Variants in TRAIP observed in about 807,000 individuals in gnomAD.
The protein encoded by TRAIP is E3 ubiquitin-protein ligase TRAIP.
A neutral mutation model predicts 65.0 loss-of-function variants in TRAIP; 37 were observed. That is an observed-to-expected ratio of 0.57 (90% CI 0.44 to 0.75). The LOEUF (loss-of-function observed/expected upper bound fraction) is 0.75, where lower values mean the gene tolerates loss of function less well. Ranked by LOEUF, TRAIP falls within the 30% of genes least tolerant of loss-of-function variation. The probability of loss-of-function intolerance (pLI) is 0.00; values close to 1 mark genes in which losing one functional copy is unlikely to be tolerated. For synonymous variants in TRAIP, 187 were observed against 219.1 expected (o/e 0.85, Z 1.29); for missense variants, 481 against 579.4 (o/e 0.83, Z 1.74).
intron 3 of TRAIP, among the ~76,000 whole-genome samples, chr3:49,846,681 C>A (rs972454023): frequency 6.6e-6 from 1 of 152,100 alleles, no homozygotes; most frequent in African/African-American, 2.4e-5. Flanking sequence ...AAAACTGTAC[C>A]AAGTCTCACC....
In TRAIP at chr3:49,844,674, C is replaced by T. The variant is rs1575396482; in HGVS notation, c.241-94G>A. The T allele has an allele frequency of 3.5e-6, 5 of 1,427,058 alleles. No individual in the cohort carries two copies. The East Asian group carries it at 1.1e-4, about 33-fold the overall frequency. 88.4% of individuals were successfully genotyped at this position (1,427,058 alleles called of 1,614,324 possible). On this transcript the variant is annotated intron_variant, in intron 3 of 14. Coordinates refer to ENST00000331456, the MANE Select transcript of TRAIP (RefSeq NM_005879.3). ...GGCTGTGGGGAGCCCCAGGATTGAA[C>T]AATGAGGCCTTCTAGGGCATGAATC... is the stretch of plus-strand genomic sequence containing the variant.
In TRAIP at chr3:49,847,595, GT is replaced by G. The variant is rs1298999570; in HGVS notation, c.169del (p.Thr57ProfsTer23). 20 of 1,609,350 alleles carry G rather than the reference GT, an allele frequency of 1.2e-5. No homozygotes were observed. The highest frequency in any genetic ancestry group is 1.6e-5 in the Non-Finnish European group (19 of 1,178,636). The part of the protein sequence containing the change: ...PQCRIQVGKR[T>X]IINKLFFDLA... ...ATCAAAGAAGAGCTTATTGATAATG[GT>G]TCTTTTGCCAACCTGGATGGGAGAA... On this transcript the variant is annotated frameshift_variant, in exon 3 of 15. Coordinates refer to ENST00000331456, the MANE Select transcript of TRAIP (RefSeq NM_005879.3). LOFTEE classifies it high-confidence loss of function.
chr3:49,832,958 T>G (rs2081749324), intron 10 of TRAIP, among the ~76,000 whole-genome samples: 1 of 152,146 alleles, frequency 6.6e-6, no homozygotes, highest in African/African-American at 2.4e-5. Context: ...TGCATTGATT[T>G]GGGTGGCTAA....
At chr3:49,849,768 T>C (rs1182765322) in intron 1 of TRAIP, among the ~76,000 whole-genome samples, 1 of 151,414 alleles carries the variant, frequency 6.6e-6, no homozygotes, top group African/African-American at 2.4e-5. Flanking sequence ...AGGGAGAAAC[T>C]AAGTCCTCTC....
intron 5 of TRAIP, 142 bp downstream of exon 5, chr3:49,843,659 G>T (rs1444356694): frequency 9.7e-5 from 108 of 1,112,814 alleles, no homozygotes; most frequent in Non-Finnish European, 1.3e-4. Flanking sequence ...GCAAGGGGAA[G>T]AAGTGATTTG....
chr3:49,829,276 C>A, intron 14 of TRAIP, 51 bp from the exon 15 acceptor site: 4 of 1,613,732 alleles, frequency 2.5e-6, no homozygotes, highest in Non-Finnish European at 3.4e-6. Flanking sequence ...CAATGCAGGG[C>A]GAGAAAGGAC....
intron 3 of TRAIP, among the ~76,000 whole-genome samples, chr3:49,844,844 G>A (rs77333307): frequency 8.6e-4 from 131 of 152,366 alleles, no homozygotes; most frequent in African/African-American, 3.1e-3. Context: ...TAGAATAGTG[G>A]AAGGGAAGTT....
chr3:49,840,517 C>G (rs963564498), intron 8 of TRAIP, 144 bp from the exon 9 acceptor site: 40 of 666,242 alleles, frequency 6.0e-5, no homozygotes, highest in Non-Finnish European at 8.8e-5. Context: ...GAGGCTAGGC[C>G]TCAGTCTGGC....
In TRAIP at chr3:49,829,119, G is replaced by T. The variant is rs747364226; in HGVS notation, c.1394C>A (p.Thr465Asn). The T allele has an allele frequency of 6.2e-6, 10 of 1,614,126 alleles. No individual in the cohort carries two copies. The Admixed American group carries it at 1.3e-4, about 22-fold the overall frequency. ...TCACTGTTCTCACGACCACAGGAAGGTGTCCAGCTTGGCCTGGAAGAGAGA... is the reference window on the plus strand; with the variant it reads ...TCACTGTTCTCACGACCACAGGAAGTTGTCCAGCTTGGCCTGGAAGAGAGA... ...VPSLFQAKLD[T>N]FLWS is the part of the protein sequence containing the mutation. The change falls in exon 15 of 15, where the codon ACC (threonine) becomes AAC (asparagine). Residue 465 changes from threonine (T) to asparagine (N), a missense_variant. Transcript: ENST00000331456.
At chr3:49,831,765 G>T in intron 11 of TRAIP, 151 bp downstream of exon 11, 3 of 792,616 alleles carry the variant, frequency 3.8e-6, no homozygotes, top group Non-Finnish European at 5.5e-6. Flanking sequence ...TCAGGTGAGG[G>T]AACAAGAGGT....
At chr3:49,843,634 G>T in intron 5 of TRAIP, 167 bp downstream of exon 5, 1 of 883,792 alleles carries the variant, frequency 1.1e-6, no homozygotes. Flanking sequence ...GGATGGATGG[G>T]TACAGTATGG....
At chr3:49,856,323 C>A in intron 1 of TRAIP, 33 bp downstream of exon 1, 1 of 1,593,088 alleles carries the variant, frequency 6.3e-7, no homozygotes, top group Non-Finnish European at 8.6e-7. Context: ...GGTACCCGGG[C>A]AAACACCGGG....
intron 6 of TRAIP, 107 bp from the exon 7 acceptor site, chr3:49,842,046 G>A (rs1299449178): frequency 1.1e-6 from 1 of 881,882 alleles, no homozygotes; most frequent in African/African-American, 1.7e-5. Flanking sequence ...AACAGGCTAG[G>A]CTGCCAGGAT....
chr3:49,830,670 A>G (rs1452500346), intron 11 of TRAIP, among the ~76,000 whole-genome samples: 1 of 152,206 alleles, frequency 6.6e-6, no homozygotes, highest in Non-Finnish European at 1.5e-5. Flanking sequence ...CCAGAGCCAG[A>G]AACTGTATTT....
Position 49,848,209 on chromosome 3 carries a change from A to C in TRAIP, c.99-9T>G, listed in dbSNP as rs181861135. 6,205 of 1,614,154 alleles carry C rather than the reference A, an allele frequency of 3.8e-3. 22 individuals are homozygous for C. Among genetic ancestry groups the C allele is most frequent in the Non-Finnish European group, 4.3e-3 (5,040 of 1,179,978 alleles). ...CAAACCACTGAATTAGGCTGGAATG[A>C]AAAGCAGAACAATAGACTGATGAGC... On this transcript the variant is annotated splice_polypyrimidine_tract_variant and intron_variant, in intron 1 of 14. Coordinates refer to ENST00000331456, the MANE Select transcript of TRAIP (RefSeq NM_005879.3).
rs34210639 is a variant in TRAIP, at chr3:49,839,912, G to A, written c.796-52C>T. On this transcript the variant is annotated intron_variant, in intron 9 of 14. Coordinates refer to ENST00000331456, the MANE Select transcript of TRAIP (RefSeq NM_005879.3). ...AGAGAAAGGCTGAGGCATCAAGTCC[G>A]GAGATAATGCAGAGGACATGAGCAG... The A allele has an allele frequency of 1.3e-3, 2,086 of 1,558,570 alleles. 23 individuals carry two copies. In the African/African-American group the frequency reaches 0.024, roughly 18 times the overall value.
rs781334078 is a variant in TRAIP at position 49,842,499 on chromosome 3, G to A, written c.457C>T (p.Gln153Ter). Reference sequence around the variant, plus strand: ...CTCCTGAGCCGGCGGGCCTCCTCTTGTGCTTGTTTGGTCTCATCCTGCTGC... The same window carrying A: ...CTCCTGAGCCGGCGGGCCTCCTCTTATGCTTGTTTGGTCTCATCCTGCTGC... ...EQQQDETKQA[Q>*]EEARRLRSKM... is the part of the protein sequence containing the mutation. The change falls in exon 6 of 15, where the codon CAA becomes TAA. Residue 153 changes from glutamine to a stop codon, truncating the protein, a stop_gained. Coordinates refer to ENST00000331456, the MANE Select transcript of TRAIP (RefSeq NM_005879.3). LOFTEE classifies it high-confidence loss of function. The A allele has an allele frequency of 1.4e-5, 22 of 1,613,964 alleles. No individual in the cohort carries two copies. The highest frequency in any genetic ancestry group is 1.9e-5 in the Non-Finnish European group (22 of 1,180,006).
At chr3:49,852,386 G>A (rs1213773830) in intron 1 of TRAIP, among the ~76,000 whole-genome samples, 1 of 149,558 alleles carries the variant, frequency 6.7e-6, no homozygotes, top group Non-Finnish European at 1.5e-5. Flanking sequence ...TAATAACACA[G>A]GATAAAAAAG....
At chr3:49,856,283 T>C in intron 1 of TRAIP, 73 bp downstream of exon 1, 1 of 1,349,136 alleles carries the variant, frequency 7.4e-7, no homozygotes, top group South Asian at 1.2e-5. Flanking sequence ...TTGGACCGCC[T>C]GGAGGCCCAA....
Sources: gnomAD v4.1 joint callset for allele counts (sites outside exome capture counted in the v4.1 genomes callset) on GRCh38, gnomAD v4.1.1 for gene constraint, MANE v1.5 for transcripts, NCBI Gene and HGNC (gene_info 2026-07-23, HGNC 2026-07-21) for gene names.